MSI2: variants seen among roughly 807,000 people sequenced by gnomAD.
The protein encoded by MSI2 is musashi RNA binding protein 2.
A neutral mutation model predicts 45.6 loss-of-function variants in MSI2; 17 were observed. That is an observed-to-expected ratio of 0.37 (90% CI 0.26 to 0.56). The LOEUF (loss-of-function observed/expected upper bound fraction) is 0.56, where lower values mean the gene tolerates loss of function less well. Among genes scored for constraint, MSI2 ranks in the 20% least tolerant of loss-of-function variants. The pLI, the probability that MSI2 is intolerant of heterozygous loss-of-function variation, is 0.77. For missense variants in MSI2, 293 were observed against 444.2 expected, an observed-to-expected ratio of 0.66 and a Z score of 3.06; for synonymous variants, 156 against 158.2, an observed-to-expected ratio of 0.99 and a Z score of 0.11.
intron 6 of MSI2, chr17:57,450,213 T>G (rs2084971828): frequency 7.3e-6 from 1 of 136,336 alleles, no homozygotes; most frequent in African/African-American, 3.0e-5. Context: ...ATTTATTTCC[T>G]TCTGGGGCTG....
chr17:57,696,771 A>G, the MSI2 span, among the ~76,000 whole-genome samples: 3 of 152,188 alleles, frequency 2.0e-5, no homozygotes, highest in Non-Finnish European at 2.9e-5. Flanking sequence ...ATAAAGAATT[A>G]GGCATTTGGT....
chr17:57,288,770 G>C (rs554709543), intron 5 of MSI2, among the ~76,000 whole-genome samples: 2 of 152,300 alleles, frequency 1.3e-5, no homozygotes, highest in African/African-American at 4.8e-5. Context: ...CTAGGCCAGG[G>C]GTCCACAACT....
chr17:57,699,042 AGAGTGTGTGT>A, the MSI2 span, among the ~76,000 whole-genome samples: 1 of 24,862 alleles, frequency 4.0e-5, no homozygotes, highest in African/African-American at 4.7e-4. Flanking sequence ...AGAGAGAGAG[AGAGTGTGTGT>A]GTGTGTGTGT....
At position 57,652,138 on chromosome 17, in the gene MSI2, C is replaced by T. The variant is rs772529843; in HGVS notation, c.767C>T (p.Ala256Val). The change falls in exon 11 of 14, where the codon GCG becomes GTG. Residue 256 changes from alanine (A) to valine (V), a missense_variant. Physicochemically the swap from Ala to Val is moderately conservative, Grantham distance 64 (BLOSUM62 0). Transcript: ENST00000284073. The surrounding 1 kb of genome is among the most constrained non-coding windows in gnomAD (Gnocchi z 4.1). ...GCTTATGGACCAGTGGCAGCAGCGG[C>T]GGTGGCGGCAGCAAGAGGATCAGGT... ...AAAYGPVAAA[A>V]VAAARGSGSN... is the part of the protein sequence containing the mutation. 8.7e-6 allele frequency: 14 copies of T among 1,613,998 alleles called. No homozygotes were observed. Among genetic ancestry groups the T allele is most frequent in the Middle Eastern group, 3.3e-4 (2 of 6,062 alleles).
intron 10 of MSI2, among the ~76,000 whole-genome samples, chr17:57,641,091 C>T (rs1203405434): frequency 2.0e-5 from 3 of 152,182 alleles, no homozygotes; most frequent in Non-Finnish European, 4.4e-5. Context: ...TGGGCTCTCC[C>T]CTGAGACTCC....
At chr17:57,344,567 A>G (rs1207039905) in intron 5 of MSI2, among the ~76,000 whole-genome samples, 1 of 152,256 alleles carries the variant, frequency 6.6e-6, no homozygotes, top group African/African-American at 2.4e-5. Flanking sequence ...GAAGGTTACT[A>G]GAGCGTCTTT....
the MSI2 span, among the ~76,000 whole-genome samples, chr17:57,693,182 T>C: frequency 6.6e-6 from 1 of 152,112 alleles, no homozygotes; most frequent in Admixed American, 6.6e-5. Context: ...TGTCCTATTT[T>C]CTTTTTTCTT....
intron 6 of MSI2, among the ~76,000 whole-genome samples, chr17:57,507,225 C>G (rs8069847): frequency 0.02 from 1,045 of 51,086 alleles, 25 homozygotes; most frequent in South Asian, 0.13. Flanking sequence ...CTTTGTCTCT[C>G]TGTGTGTGTG....
At chr17:57,605,666 G>A (rs1415542078) in intron 8 of MSI2, among the ~76,000 whole-genome samples, 2 of 152,352 alleles carry the variant, frequency 1.3e-5, no homozygotes, top group East Asian at 1.9e-4. Context: ...CCAGAGTAGC[G>A]TGGCTCTTGC....
At position 57,425,977 on chromosome 17, in the gene MSI2, T is replaced by G. The variant is rs993644924; in HGVS notation, c.405+24506T>G. Among the ~76,000 whole-genome samples, 7 of 152,340 alleles carry G rather than the reference T, an allele frequency of 4.6e-5. No individual in the cohort carries two copies. The South Asian group carries it at 1.4e-3, about 32-fold the overall frequency. ...ATTTGTCATATGGAACATTTTTTTTTAATATTGAAGAGTGAGGAATCTGTT... is the reference window on the plus strand; with the variant it reads ...ATTTGTCATATGGAACATTTTTTTTGAATATTGAAGAGTGAGGAATCTGTT... On this transcript the variant is annotated intron_variant, in intron 6 of 13. Coordinates refer to ENST00000284073, the MANE Select transcript of MSI2 (RefSeq NM_138962.4).
At chr17:57,538,967 T>A (rs2144113804) in intron 7 of MSI2, among the ~76,000 whole-genome samples, 1 of 152,316 alleles carries the variant, frequency 6.6e-6, no homozygotes, top group African/African-American at 2.4e-5. Context: ...GAAGCTTACG[T>A]CATTTAATGA....
At chr17:57,688,371 C>G (rs1291984914), downstream of MSI2, among the ~76,000 whole-genome samples, 1 of 152,014 alleles carries the variant, frequency 6.6e-6, no homozygotes. Flanking sequence ...CTCCTCCTCT[C>G]CAGTAGTAAG....
At chr17:57,357,268 T>A (rs1374250060) in intron 5 of MSI2, among the ~76,000 whole-genome samples, 1 of 152,108 alleles carries the variant, frequency 6.6e-6, no homozygotes, top group Non-Finnish European at 1.5e-5. Context: ...ACTTCTGAAC[T>A]TCTGGTCTCC....
chr17:57,274,681 G>A lies in MSI2; in HGVS notation c.312+12489G>A, dbSNP rs963987087. Among the ~76,000 whole-genome samples, 15 of 152,236 alleles carry A rather than the reference G, an allele frequency of 9.9e-5. 1 individual carries two copies. The highest frequency in any genetic ancestry group is 8.5e-4 in the Admixed American group (13 of 15,280). On this transcript the variant is annotated intron_variant, in intron 5 of 13. Coordinates refer to ENST00000284073, the MANE Select transcript of MSI2 (RefSeq NM_138962.4). ...AGAAGACACACACACGTGGTTGTGCGTTTATGCATATAAATGTATGTGACA... is the reference window on the plus strand; with the variant it reads ...AGAAGACACACACACGTGGTTGTGCATTTATGCATATAAATGTATGTGACA...
intron 6 of MSI2, among the ~76,000 whole-genome samples, chr17:57,472,629 G>A (rs903320109): frequency 9.9e-5 from 15 of 152,158 alleles, no homozygotes; most frequent in Non-Finnish European, 2.1e-4. Flanking sequence ...ATGTTTCTGA[G>A]CTTTATTTTG....
chr17:57,681,945 C>T lies in MSI2; in HGVS notation c.*2428C>T, dbSNP rs368501386. The T allele has an allele frequency of 1.9e-5, 4 of 212,274 alleles. No homozygotes were observed. The highest frequency in any genetic ancestry group is 4.5e-5 in the African/African-American group (2 of 44,158). The allele number at this position is 212,274 out of a possible 1,614,324, so 13.1% of individuals were successfully genotyped here. A position where few individuals can be genotyped will look rare whatever the true frequency, so the allele number is the denominator to read the frequency against. On this transcript the variant is annotated 3_prime_UTR_variant, in exon 14 of 14. Coordinates refer to ENST00000284073, the MANE Select transcript of MSI2 (RefSeq NM_138962.4). ...CTTCCCTTCCTTTTCTCTGCATCCC[C>T]CATCACCTCATAGAAGACTCTTTGT...
At chr17:57,664,534 A>G (rs1912231002) in intron 11 of MSI2, among the ~76,000 whole-genome samples, 1 of 152,192 alleles carries the variant, frequency 6.6e-6, no homozygotes, top group Admixed American at 6.5e-5. Context: ...GGGGAAAAAA[A>G]AAGAAAAAAG....
At chr17:57,439,305 G>A (rs1598271456) in intron 6 of MSI2, among the ~76,000 whole-genome samples, 1 of 152,356 alleles carries the variant, frequency 6.6e-6, no homozygotes, top group East Asian at 1.9e-4. Flanking sequence ...AGGTCTGGAT[G>A]AGGATTTGCA....
At chr17:57,618,693 G>A (rs1014684530) in intron 9 of MSI2, among the ~76,000 whole-genome samples, 5 of 151,932 alleles carry the variant, frequency 3.3e-5, no homozygotes, top group South Asian at 2.1e-4. Context: ...ACAGGCGCGC[G>A]CCACCACACC....
Sources: allele counts gnomAD v4.1 joint callset (sites outside exome capture counted in the v4.1 genomes callset), GRCh38; gene constraint gnomAD v4.1.1; non-coding constraint Gnocchi (gnomAD v3.1); transcripts MANE v1.5; gene names NCBI Gene and HGNC (gene_info 2026-07-23, HGNC 2026-07-21).